The following PDE8A variants were observed in gnomAD, a reference collection of about 807,000 sequenced individuals.
PDE8A encodes phosphodiesterase 8A.
Under a neutral mutation model 105.0 loss-of-function variants are expected in PDE8A, and 59 were observed. The observed-to-expected ratio is 0.56, with a 90% CI of 0.46 to 0.70. PDE8A has a LOEUF of 0.70. PDE8A is among the 30% of genes least tolerant of loss of function. The pLI is 0.00. For missense variants in PDE8A, 1,014 were observed against 1,045.9 expected, an observed-to-expected ratio of 0.97 and a Z score of 0.42; for synonymous variants, 355 against 371.9, an observed-to-expected ratio of 0.95 and a Z score of 0.52.
At chr15:85,091,323 A>G (rs1044105636) in intron 8 of PDE8A, 142 bp downstream of exon 8, 5 of 645,326 alleles carry the variant, frequency 7.7e-6, no homozygotes, top group African/African-American at 3.7e-5. Context: ...TCCCTGTTAT[A>G]TCCATTTTGC....
intron 5 of PDE8A, among the ~76,000 whole-genome samples, chr15:85,078,021 A>G (rs976333047): frequency 6.6e-6 from 1 of 152,058 alleles, no homozygotes; most frequent in Non-Finnish European, 1.5e-5. Flanking sequence ...AACAGAGGAA[A>G]TATTTGAAGA....
intron 6 of PDE8A, among the ~76,000 whole-genome samples, chr15:85,088,356 A>G (rs560780154): frequency 6.6e-6 from 1 of 152,328 alleles, no homozygotes; most frequent in East Asian, 1.9e-4. Flanking sequence ...AGATTTGCGT[A>G]TTCTGGACAT....
rs751150974 is a variant in PDE8A, at chr15:84,982,269, G to C, written c.107G>C (p.Gly36Ala). The change falls in exon 1 of 22, where the codon GGC becomes GCC. Residue 36 changes from glycine (G) to alanine (A), a missense_variant. Transcript: ENST00000394553. The part of the protein sequence containing the change: ...LSSGGPRLPQ[G>A]QKTAALPRTR... ...TCCGGCGGGCCGCGCCTCCCGCAGGGCCAGAAGACGGCCGCCTTGCCCCGG... is the reference window on the plus strand; with the variant it reads ...TCCGGCGGGCCGCGCCTCCCGCAGGCCCAGAAGACGGCCGCCTTGCCCCGG... The C allele has an allele frequency of 2.2e-5, 32 of 1,441,912 alleles. No homozygotes were observed. The highest frequency in any genetic ancestry group is 2.9e-5 in the Non-Finnish European group (32 of 1,105,752). The allele number at this position is 1,441,912 out of a possible 1,614,324, so 89.3% of individuals were successfully genotyped here.
At chr15:85,046,768 C>T (rs1225513597) in intron 1 of PDE8A, among the ~76,000 whole-genome samples, 1 of 152,112 alleles carries the variant, frequency 6.6e-6, no homozygotes, top group Non-Finnish European at 1.5e-5. Flanking sequence ...TATCTATTTT[C>T]TTTCTCACCC....
At chr15:85,053,558 T>C (rs537323443) in intron 1 of PDE8A, among the ~76,000 whole-genome samples, 1 of 152,356 alleles carries the variant, frequency 6.6e-6, no homozygotes, top group African/African-American at 2.4e-5. Context: ...GTTGGATTCC[T>C]AGGTATTCTA....
intron 9 of PDE8A, among the ~76,000 whole-genome samples, chr15:85,099,068 A>G (rs899310183): frequency 1.3e-5 from 2 of 152,252 alleles, no homozygotes; most frequent in African/African-American, 4.8e-5. Flanking sequence ...AAAGAAAAGA[A>G]GGAAAAAAGA....
At chr15:85,046,065 C>CTTT (rs34486009) in intron 1 of PDE8A, among the ~76,000 whole-genome samples, 6 of 124,444 alleles carry the variant, frequency 4.8e-5, no homozygotes, top group African/African-American at 8.8e-5. Flanking sequence ...CTTTCTGTTT[C>CTTT]TTTTTTTTTT....
At chr15:85,121,805 A>G (rs1055621724) in intron 18 of PDE8A, among the ~76,000 whole-genome samples, 1 of 152,184 alleles carries the variant, frequency 6.6e-6, no homozygotes, top group African/African-American at 2.4e-5. Flanking sequence ...GTCCTAGACA[A>G]CTACTGTGAT....
chr15:85,093,381 T>C (rs1040031982), intron 8 of PDE8A, among the ~76,000 whole-genome samples: 7 of 152,104 alleles, frequency 4.6e-5, no homozygotes, highest in African/African-American at 1.7e-4. Flanking sequence ...CATAATTCCA[T>C]CTCCGGGGAA....
intron 1 of PDE8A, among the ~76,000 whole-genome samples, chr15:85,012,035 A>G (rs2080248086): frequency 6.6e-6 from 1 of 152,252 alleles, no homozygotes; most frequent in African/African-American, 2.4e-5. Flanking sequence ...AATCATTAAA[A>G]AGTCAGGAAA....
At chr15:85,105,485 T>G (rs1402227313) in intron 11 of PDE8A, among the ~76,000 whole-genome samples, 8 of 152,148 alleles carry the variant, frequency 5.3e-5, no homozygotes. Context: ...AACTCATACT[T>G]CCAGGCTGCA....
Position 85,076,692 on chromosome 15 carries a change from A to G in PDE8A, c.492-41A>G, listed in dbSNP as rs375569783. On this transcript the variant is annotated intron_variant, in intron 4 of 21. Transcript: ENST00000394553. ...GAGTAAAAGAGGTGAGATGTAATTG[A>G]TAAAAACTATGTCTATGTTCTTTAC... 5.0e-5 allele frequency: 63 copies of G among 1,270,200 alleles called. 1 individual carries two copies. Among genetic ancestry groups the G allele is most frequent in the Admixed American group, 4.0e-4 (24 of 59,520 alleles). The allele number at this position is 1,270,200 out of a possible 1,614,324, so 78.7% of individuals were successfully genotyped here. A position where few individuals can be genotyped will look rare whatever the true frequency, so the allele number is the denominator to read the frequency against.
At chr15:85,114,126 G>GCCCT in intron 14 of PDE8A, 89 bp downstream of exon 14, 1 of 1,114,752 alleles carries the variant, frequency 9.0e-7, no homozygotes, top group Non-Finnish European at 1.3e-6. Flanking sequence ...ATATTGAAGA[G>GCCCT]GCAGGCAGGG....
At position 85,067,102 on chromosome 15, in the gene PDE8A, A is replaced by G; in HGVS notation, c.332A>G (p.Lys111Arg). Residue 111 changes from lysine to arginine, a missense_variant, in exon 3 of 22, where the codon AAG (lysine) becomes AGG (arginine). By Grantham distance (26) the Lys-to-Arg change is conservative. Transcript: ENST00000394553. ...EKAGFKCTVT[K>R]EAQAVLACFL... ...GCAGGGTTTAAGTGTACAGTTACCAAGGAGGCTCAGGCTGTCCTTGCCTGT... is the reference window on the plus strand; with the variant it reads ...GCAGGGTTTAAGTGTACAGTTACCAGGGAGGCTCAGGCTGTCCTTGCCTGT... 2 of 1,613,758 alleles carry G rather than the reference A, an allele frequency of 1.2e-6. No homozygotes were observed. Among genetic ancestry groups the G allele is most frequent in the Non-Finnish European group, 1.7e-6 (2 of 1,179,620 alleles).
chr15:85,001,835 A>G (rs927540976), intron 1 of PDE8A, among the ~76,000 whole-genome samples: 1 of 152,222 alleles, frequency 6.6e-6, no homozygotes, highest in African/African-American at 2.4e-5. Context: ...TAAGACTGGT[A>G]TAACAATAAA....
At chr15:85,069,436 A>G (rs2081279820) in intron 3 of PDE8A, among the ~76,000 whole-genome samples, 1 of 152,188 alleles carries the variant, frequency 6.6e-6, no homozygotes, top group South Asian at 2.1e-4. Context: ...GAACAGAGCT[A>G]TTATTCCTCT....
intron 1 of PDE8A, among the ~76,000 whole-genome samples, chr15:85,022,645 T>C (rs2080447936): frequency 6.6e-6 from 1 of 151,386 alleles, no homozygotes; most frequent in South Asian, 2.1e-4. Flanking sequence ...GCCTCCCGGG[T>C]TGAAGCAATT....
At chr15:85,059,444 A>G (rs2081111631) in intron 1 of PDE8A, among the ~76,000 whole-genome samples, 1 of 152,126 alleles carries the variant, frequency 6.6e-6, no homozygotes, top group Admixed American at 6.5e-5. Context: ...CTTCAACTAT[A>G]ATTTTAGAAC....
At chr15:85,123,945 C>T (rs2082221954) in intron 19 of PDE8A, among the ~76,000 whole-genome samples, 1 of 152,198 alleles carries the variant, frequency 6.6e-6, no homozygotes, top group African/African-American at 2.4e-5. Context: ...ATCCCCCTCC[C>T]TTCTTCTCCA....
Sources: gnomAD v4.1 joint callset for allele counts (sites outside exome capture counted in the v4.1 genomes callset) on GRCh38, gnomAD v4.1.1 for gene constraint, MANE v1.5 for transcripts, NCBI Gene and HGNC (gene_info 2026-07-23, HGNC 2026-07-21) for gene names.